Variants in GALNT2 observed in about 807,000 individuals in gnomAD.
The protein encoded by GALNT2 is polypeptide N-acetylgalactosaminyltransferase 2, also known as UDP-GalNAc:polypeptide N-acetylgalactosaminyltransferase 2.
Under a neutral mutation model 81.4 loss-of-function variants are expected in GALNT2, and 31 were observed. That is an observed-to-expected ratio of 0.38 (90% CI 0.29 to 0.51). The LOEUF is 0.51. Ranked by LOEUF, GALNT2 falls within the 20% of genes least tolerant of loss-of-function variation. The pLI is 0.87. For missense variants in GALNT2, 629 were observed against 765.7 expected, an observed-to-expected ratio of 0.82 and a Z score of 2.11; for synonymous variants, 303 against 287.4, an observed-to-expected ratio of 1.05 and a Z score of -0.55.
At chr1:230,260,047 C>T (rs958966112) in intron 11 of GALNT2, among the ~76,000 whole-genome samples, 4 of 152,164 alleles carry the variant, frequency 2.6e-5, no homozygotes, top group Admixed American at 6.5e-5. Context: ...AGGTCAGATG[C>T]CTTAAACTGT....
At chr1:230,136,430 G>A (rs1661543780) in intron 1 of GALNT2, among the ~76,000 whole-genome samples, 1 of 152,106 alleles carries the variant, frequency 6.6e-6, no homozygotes, top group Admixed American at 6.5e-5. Flanking sequence ...TTTAGACATC[G>A]AACCTAATGT....
At chr1:230,124,785 G>T (rs556475425) in intron 1 of GALNT2, among the ~76,000 whole-genome samples, 19 of 152,284 alleles carry the variant, frequency 1.2e-4, no homozygotes, top group African/African-American at 3.8e-4. Flanking sequence ...CTGCCGTGAT[G>T]GTCCCACCTG....
chr1:230,077,900 G>T (rs570572462), intron 1 of GALNT2, among the ~76,000 whole-genome samples: 7 of 152,310 alleles, frequency 4.6e-5, no homozygotes, highest in Non-Finnish European at 4.4e-5. Flanking sequence ...ACCATGATTT[G>T]GTTTTTAGGG....
chr1:230,106,207 T>C lies in GALNT2; in HGVS notation c.126+38801T>C, dbSNP rs115992373. ...CAAAGTTTTGTATTCCCTGATCAGC[T>C]GTGTATCTCTGAGCAGCAAGTTGAT... is the stretch of plus-strand genomic sequence containing the variant. On this transcript the variant is annotated intron_variant, in intron 1 of 15. Coordinates refer to ENST00000366672, the MANE Select transcript of GALNT2 (RefSeq NM_004481.5). 3.8e-3 allele frequency among the ~76,000 whole-genome samples: 584 copies of C among 152,332 alleles called. 3 individuals carry two copies. The highest frequency in any genetic ancestry group is 0.012 in the African/African-American group (493 of 41,566).
chr1:230,250,420 C>T (rs1665507489), intron 9 of GALNT2, 37 bp from the exon 10 acceptor site: 3 of 1,544,832 alleles, frequency 1.9e-6, no homozygotes, highest in Non-Finnish European at 2.7e-6. Flanking sequence ...TGACTTTGCC[C>T]TCTCCTCCCT....
At chr1:230,248,000 C>T (rs971254484) in intron 8 of GALNT2, among the ~76,000 whole-genome samples, 1 of 152,136 alleles carries the variant, frequency 6.6e-6, no homozygotes. Context: ...TGATAAGAGC[C>T]AGCTCAGGGG....
chr1:230,140,998 A>G (rs1023266616), intron 1 of GALNT2, among the ~76,000 whole-genome samples: 13 of 152,338 alleles, frequency 8.5e-5, no homozygotes, highest in African/African-American at 3.1e-4. Flanking sequence ...AAATTCCAGC[A>G]TTCGTTGCAA....
intron 1 of GALNT2, among the ~76,000 whole-genome samples, chr1:230,074,031 T>C (rs1290848550): frequency 1.3e-5 from 2 of 151,638 alleles, no homozygotes; most frequent in African/African-American, 4.8e-5. Flanking sequence ...GGGACAAGGG[T>C]ACTTTCGGGA....
intron 1 of GALNT2, among the ~76,000 whole-genome samples, chr1:230,098,297 G>A (rs1207957320): frequency 6.6e-6 from 1 of 152,040 alleles, no homozygotes; most frequent in Non-Finnish European, 1.5e-5. Flanking sequence ...GGTCAACTCT[G>A]TTTGTATGTA....
In GALNT2 at chr1:230,281,997, G is replaced by T. The variant is rs1005126282; in HGVS notation, c.*2539G>T. ...TTTTGCAAATTCAAAATATAGTTTG[G>T]TAATTTTTTTTTCCAGTTGATTTTT... is the stretch of plus-strand genomic sequence containing the variant. On this transcript the variant is annotated 3_prime_UTR_variant, in exon 16 of 16. Transcript: ENST00000366672. The T allele has an allele frequency of 5.3e-5, 8 of 152,162 alleles. No individual in the cohort carries two copies. The highest frequency in any genetic ancestry group is 1.2e-4 in the Non-Finnish European group (8 of 68,024). The allele number at this position is 152,162 out of a possible 1,614,324, so 9.4% of individuals were successfully genotyped here. A position where few individuals can be genotyped will look rare whatever the true frequency, so the allele number is the denominator to read the frequency against.
At chr1:230,174,645 A>G (rs981036067) in intron 1 of GALNT2, among the ~76,000 whole-genome samples, 17 of 151,720 alleles carry the variant, frequency 1.1e-4, no homozygotes, top group African/African-American at 3.6e-4. Context: ...TCCTAGCTGC[A>G]CCTGTCTCCG....
intron 1 of GALNT2, among the ~76,000 whole-genome samples, chr1:230,126,541 G>A (rs964719280): frequency 1.3e-5 from 2 of 152,146 alleles, no homozygotes; most frequent in Admixed American, 6.5e-5. Flanking sequence ...AGAGGCCCCC[G>A]CCTCCATCCT....
intron 1 of GALNT2, among the ~76,000 whole-genome samples, chr1:230,150,122 C>T (rs1441963730): frequency 6.6e-6 from 1 of 152,206 alleles, no homozygotes; most frequent in Non-Finnish European, 1.5e-5. Context: ...AGGGTGCTCT[C>T]CATTCCTGGA....
At chr1:230,277,419 C>T (rs1357486994) in intron 15 of GALNT2, among the ~76,000 whole-genome samples, 3 of 152,328 alleles carry the variant, frequency 2.0e-5, no homozygotes, top group East Asian at 3.9e-4. Flanking sequence ...AATCAGATTC[C>T]GTTCATTCCG....
At chr1:230,078,344 TCTA>T (rs1375337725) in intron 1 of GALNT2, among the ~76,000 whole-genome samples, 1 of 152,272 alleles carries the variant, frequency 6.6e-6, no homozygotes, top group African/African-American at 2.4e-5. Flanking sequence ...TGGAGTTCAT[TCTA>T]CTGTTTTATT....
At chr1:230,108,578 T>TG (rs1571970948) in intron 1 of GALNT2, among the ~76,000 whole-genome samples, 1 of 152,224 alleles carries the variant, frequency 6.6e-6, no homozygotes, top group African/African-American at 2.4e-5. Context: ...GATGGGATCA[T>TG]GTCCCAGTAA....
chr1:230,097,785 C>T, intron 1 of GALNT2, among the ~76,000 whole-genome samples: 1 of 152,044 alleles, frequency 6.6e-6, no homozygotes, highest in Middle Eastern at 3.2e-3. Context: ...ATTTTAAATA[C>T]CGTTTAATAG....
intron 1 of GALNT2, among the ~76,000 whole-genome samples, chr1:230,146,057 T>G (rs2102829845): frequency 6.6e-6 from 1 of 152,348 alleles, no homozygotes; most frequent in East Asian, 1.9e-4. Flanking sequence ...TCTCTCTGCT[T>G]CTTATTAATC....
At chr1:230,092,185 T>TTTTTTTTTTTTG (rs1660110746) in intron 1 of GALNT2, among the ~76,000 whole-genome samples, 12 of 114,284 alleles carry the variant, frequency 1.1e-4, no homozygotes, top group African/African-American at 3.9e-4. Flanking sequence ...AGTTTTTTTT[T>TTTTTTTTTTTTG]TTTTTTTTTT....
Sources: allele counts gnomAD v4.1 joint callset (sites outside exome capture counted in the v4.1 genomes callset), GRCh38; gene constraint gnomAD v4.1.1; transcripts MANE v1.5; gene names NCBI Gene and HGNC (gene_info 2026-07-23, HGNC 2026-07-21).